GBE1: variants seen among roughly 807,000 people sequenced by gnomAD.
The protein encoded by GBE1 is 1,4-alpha-glucan-branching enzyme.
A neutral mutation model predicts 88.8 loss-of-function variants in GBE1; 70 were observed. The ratio of observed to expected loss-of-function variants is 0.79; its 90% CI spans 0.65 to 0.96. GBE1 has a LOEUF of 0.96. GBE1 is among the 40% of genes least tolerant of loss of function. The pLI, the probability that GBE1 is intolerant of heterozygous loss-of-function variation, is 0.00. For missense variants in GBE1, 872 were observed against 871.0 expected (o/e 1.00, Z -0.01); for synonymous variants, 284 against 300.1 (o/e 0.95, Z 0.56).
At chr3:81,666,492 G>C (rs1705115976) in intron 3 of GBE1, among the ~76,000 whole-genome samples, 1 of 152,114 alleles carries the variant, frequency 6.6e-6, no homozygotes. Context: ...CATGTCAAAT[G>C]TCCTGTTGTT....
chr3:81,697,843 C>A (rs1705623413), intron 2 of GBE1, among the ~76,000 whole-genome samples: 1 of 151,816 alleles, frequency 6.6e-6, no homozygotes, highest in African/African-American at 2.4e-5. Flanking sequence ...CTGAGGCCTA[C>A]CCTTAAAGTC....
chr3:81,620,623 C>T (rs1023060021), intron 7 of GBE1, among the ~76,000 whole-genome samples: 7 of 151,994 alleles, frequency 4.6e-5, no homozygotes, highest in South Asian at 2.1e-4. Context: ...AAAGGCAAGT[C>T]GCTGAAATGA....
chr3:81,529,574 T>G (rs1267685624), intron 14 of GBE1, among the ~76,000 whole-genome samples: 1 of 152,086 alleles, frequency 6.6e-6, no homozygotes, highest in Non-Finnish European at 1.5e-5. Context: ...ATATTTTTAC[T>G]GGATATAACA....
chr3:81,510,306 T>C (rs773440365), intron 14 of GBE1, among the ~76,000 whole-genome samples: 2 of 152,144 alleles, frequency 1.3e-5, no homozygotes, highest in Non-Finnish European at 2.9e-5. Context: ...GCTGTGGTGG[T>C]AGAAACATAA....
chr3:81,761,225 AC>A, intron 1 of GBE1, 149 bp downstream of exon 1: 1 of 1,008,710 alleles, frequency 9.9e-7, no homozygotes, highest in Non-Finnish European at 1.4e-6. Flanking sequence ...GAACCCGGTT[AC>A]CCGAGTCACC....
chr3:81,559,775 C>T (rs1430233026), intron 12 of GBE1, among the ~76,000 whole-genome samples: 1 of 151,836 alleles, frequency 6.6e-6, no homozygotes, highest in Non-Finnish European at 1.5e-5. Flanking sequence ...AAAGAGAATA[C>T]AAAAGGAGTA....
intron 7 of GBE1, among the ~76,000 whole-genome samples, chr3:81,637,350 A>G (rs1704605565): frequency 1.3e-5 from 2 of 152,170 alleles, no homozygotes; most frequent in Admixed American, 1.3e-4. Flanking sequence ...TAATATTTTC[A>G]AGCTAAAGTA....
At chr3:81,497,845 T>C (rs1323297547) in intron 15 of GBE1, among the ~76,000 whole-genome samples, 1 of 152,206 alleles carries the variant, frequency 6.6e-6, no homozygotes, top group Non-Finnish European at 1.5e-5. Context: ...TTCAGAACTT[T>C]ATGGTAATAT....
At chr3:81,652,278 T>A (rs1273520541) in intron 3 of GBE1, among the ~76,000 whole-genome samples, 2 of 152,200 alleles carry the variant, frequency 1.3e-5, no homozygotes, top group African/African-American at 4.8e-5. Context: ...TACTGTGCCA[T>A]GAGTAATAAA....
At chr3:81,558,248 A>G (rs548234754) in intron 12 of GBE1, among the ~76,000 whole-genome samples, 1 of 152,144 alleles carries the variant, frequency 6.6e-6, no homozygotes, top group South Asian at 2.1e-4. Flanking sequence ...ATTAAAACAA[A>G]TGAGTATTAA....
chr3:81,755,880 A>G (rs1299033179), intron 1 of GBE1, among the ~76,000 whole-genome samples: 1 of 152,126 alleles, frequency 6.6e-6, no homozygotes, highest in East Asian at 1.9e-4. Context: ...TTACCACTGA[A>G]CTGTGGTTAA....
At chr3:81,737,231 G>A (rs114552573) in intron 1 of GBE1, among the ~76,000 whole-genome samples, 10,195 of 144,580 alleles carry the variant, frequency 0.071, 691 homozygotes, top group African/African-American at 0.17. Context: ...AAATTTTGAA[G>A]TAAATGAATA....
At chr3:81,735,661 C>T (rs923725970) in intron 1 of GBE1, among the ~76,000 whole-genome samples, 6 of 152,170 alleles carry the variant, frequency 3.9e-5, no homozygotes, top group Non-Finnish European at 8.8e-5. Context: ...TATTAATTTT[C>T]AAAAGTCTGG....
chr3:81,750,643 A>ATG (rs1453874485), intron 1 of GBE1, among the ~76,000 whole-genome samples: 5 of 49,744 alleles, frequency 1.0e-4, no homozygotes, highest in South Asian at 5.2e-4. Flanking sequence ...ATATATATAT[A>ATG]TGTATATATA....
chr3:81,725,453 T>C (rs1278411785), intron 1 of GBE1, among the ~76,000 whole-genome samples: 1 of 152,194 alleles, frequency 6.6e-6, no homozygotes, highest in African/African-American at 2.4e-5. Context: ...TCATCTCCTA[T>C]GATAACAATG....
chr3:81,670,958 A>T lies in GBE1; in HGVS notation c.314-5T>A. ...ACGAAAATGGATTCCAACCATCTAA[A>T]AAAATGAAGAAGATCAGTTAACAAC... On this transcript the variant is annotated splice_polypyrimidine_tract_variant and splice_region_variant and intron_variant, in intron 2 of 15. Transcript: ENST00000429644. The T allele has an allele frequency of 6.9e-7, 1 of 1,442,080 alleles. No homozygotes were observed. Among genetic ancestry groups the T allele is most frequent in the Non-Finnish European group, 9.4e-7 (1 of 1,058,252 alleles). 89.3% of individuals were successfully genotyped at this position (1,442,080 alleles called of 1,614,324 possible).
rs536527320 is a variant in GBE1 at position 81,594,207 on chromosome 3, C to T, written c.993-184G>A. ...TCTCAGTTGGTTGATGAAACTCATT[C>T]TAAAAGGAAAATTATTAATTTTTAT... On this transcript the variant is annotated intron_variant, in intron 7 of 15. Transcript: ENST00000429644. 5.9e-5 allele frequency among the ~76,000 whole-genome samples: 9 copies of T among 152,122 alleles called. No individual in the cohort carries two copies. The East Asian group carries it at 1.2e-3, about 20-fold the overall frequency.
chr3:81,547,625 TTCTCTCTCTCTC>T (rs56681369), intron 12 of GBE1, among the ~76,000 whole-genome samples: 28,457 of 138,302 alleles, frequency 0.21, 3,304 homozygotes, highest in East Asian at 0.4. Context: ...GGTTCGTTTG[TTCTCTCTCTCTC>T]TCTCTCTCTC....
At chr3:81,578,619 A>T (rs1703681322) in intron 11 of GBE1, among the ~76,000 whole-genome samples, 1 of 151,870 alleles carries the variant, frequency 6.6e-6, no homozygotes, top group South Asian at 2.1e-4. Flanking sequence ...GAGAACATTT[A>T]TTTAAGTGTA....
Sources: gnomAD v4.1 joint callset for allele counts (sites outside exome capture counted in the v4.1 genomes callset) on GRCh38, gnomAD v4.1.1 for gene constraint, MANE v1.5 for transcripts, NCBI Gene and HGNC (gene_info 2026-07-23, HGNC 2026-07-21) for gene names.